Variants in DPYD observed in about 807,000 individuals in gnomAD.
DPYD encodes dihydropyrimidine dehydrogenase.
DPYD carries 109 observed loss-of-function variants against 116.2 expected under a neutral mutation model. The observed-to-expected ratio is 0.94, with a 90% CI of 0.80 to 1.10. The LOEUF is 1.10. Among genes scored for constraint, DPYD ranks in the 50% least tolerant of loss-of-function variants. DPYD has a pLI of 0.00. For missense variants in DPYD, 1,302 were observed against 1,254.5 expected (o/e 1.04, Z -0.57); for synonymous variants, 440 against 432.0 (o/e 1.02, Z -0.23).
chr1:97,719,648 T>C (rs1279166374), intron 5 of DPYD: 4 of 948,640 alleles, frequency 4.2e-6, no homozygotes, highest in Non-Finnish European at 5.0e-6. Context: ...CTAATAACTT[T>C]GACAGTTGGG....
At chr1:97,709,676 C>A (rs944454680) in intron 5 of DPYD, among the ~76,000 whole-genome samples, 3 of 151,670 alleles carry the variant, frequency 2.0e-5, no homozygotes, top group Non-Finnish European at 4.4e-5. Context: ...CCCCAAGTCT[C>A]CTCACCTTCT....
chr1:97,638,576 C>T (rs532833475), intron 8 of DPYD, among the ~76,000 whole-genome samples: 13 of 152,210 alleles, frequency 8.5e-5, no homozygotes, highest in Admixed American at 5.9e-4. Flanking sequence ...TTTTGCATTG[C>T]TATAAAGGAG....
intron 3 of DPYD, among the ~76,000 whole-genome samples, chr1:97,784,827 T>G (rs988801344): frequency 2.0e-5 from 3 of 152,196 alleles, no homozygotes; most frequent in African/African-American, 7.2e-5. Context: ...CCTCCATTTT[T>G]TATACAGTTA....
chr1:97,274,263 T>C (rs1664781479), intron 18 of DPYD, among the ~76,000 whole-genome samples: 1 of 152,136 alleles, frequency 6.6e-6, no homozygotes, highest in Non-Finnish European at 1.5e-5. Flanking sequence ...TGGGTTATAT[T>C]TGGGCCATGG....
At chr1:97,165,468 G>C (rs901035162) in intron 20 of DPYD, among the ~76,000 whole-genome samples, 1 of 151,824 alleles carries the variant, frequency 6.6e-6, no homozygotes, top group Non-Finnish European at 1.5e-5. Flanking sequence ...CTATAAAAAC[G>C]CTGGATGACA....
chr1:97,323,656 C>CGT (rs1282204514), intron 16 of DPYD, among the ~76,000 whole-genome samples: 3 of 48,328 alleles, frequency 6.2e-5, no homozygotes, highest in African/African-American at 1.9e-4. Flanking sequence ...TATATATACA[C>CGT]GTATATATAC....
chr1:97,888,299 G>A (rs969060526), intron 1 of DPYD, among the ~76,000 whole-genome samples: 3 of 151,836 alleles, frequency 2.0e-5, no homozygotes, highest in Non-Finnish European at 4.4e-5. Context: ...CAGATCAAGA[G>A]AGATTACACA....
At chr1:97,608,703 T>G (rs533898164) in intron 8 of DPYD, among the ~76,000 whole-genome samples, 1 of 151,558 alleles carries the variant, frequency 6.6e-6, no homozygotes, top group African/African-American at 2.4e-5. Context: ...TAATGAAAAT[T>G]ATTTTCATTT....
At chr1:97,267,550 C>T (rs753148263) in intron 18 of DPYD, among the ~76,000 whole-genome samples, 22 of 152,030 alleles carry the variant, frequency 1.4e-4, no homozygotes, top group Non-Finnish European at 2.9e-4. Context: ...ATGGCACAGG[C>T]GCACACAAGA....
At chr1:97,786,283 T>G (rs568639955) in intron 3 of DPYD, among the ~76,000 whole-genome samples, 3 of 152,148 alleles carry the variant, frequency 2.0e-5, no homozygotes, top group Non-Finnish European at 4.4e-5. Flanking sequence ...CCTAGAAAAT[T>G]TATATTTCTG....
Position 97,817,123 on chromosome 1 carries a change from C to T in DPYD, c.233+10991G>A, listed in dbSNP as rs1198702553. 5.9e-5 allele frequency among the ~76,000 whole-genome samples: 9 copies of T among 152,208 alleles called. No homozygotes were observed. In the East Asian group the frequency reaches 1.7e-3, roughly 29 times the overall value. On this transcript the variant is annotated intron_variant, in intron 3 of 22. Coordinates refer to ENST00000370192, the MANE Select transcript of DPYD (RefSeq NM_000110.4). Reference sequence around the variant, plus strand: ...CACAGCCACATCAACACAGCCACACCTATGCATTCACATATGGTCTACAGA... The same window carrying T: ...CACAGCCACATCAACACAGCCACACTTATGCATTCACATATGGTCTACAGA...
At chr1:97,891,721 A>G (rs1322379470) in intron 1 of DPYD, among the ~76,000 whole-genome samples, 1 of 151,846 alleles carries the variant, frequency 6.6e-6, no homozygotes, top group Non-Finnish European at 1.5e-5. Context: ...AAAACATTGG[A>G]GCTTCAGTAT....
At chr1:97,438,077 C>A (rs1675566138) in intron 14 of DPYD, among the ~76,000 whole-genome samples, 1 of 152,000 alleles carries the variant, frequency 6.6e-6, no homozygotes, top group Admixed American at 6.6e-5. Flanking sequence ...TACTATTCTG[C>A]CACATTAATC....
intron 3 of DPYD, among the ~76,000 whole-genome samples, chr1:97,766,177 G>T (rs1012388308): frequency 1.3e-5 from 2 of 152,076 alleles, no homozygotes; most frequent in Non-Finnish European, 2.9e-5. Context: ...GGAGATGGAG[G>T]TTATGGTGAG....
rs560687378 is a variant in DPYD at position 97,672,547 on chromosome 1, T to C, written c.850+6548A>G. Among the ~76,000 whole-genome samples, 23 of 152,336 alleles carry C rather than the reference T, an allele frequency of 1.5e-4. No homozygotes were observed. In the South Asian group the frequency reaches 1.7e-3, roughly 11 times the overall value. Reference sequence around the variant, plus strand: ...TGGCAAAATACTCAAGACTTGCTTTTTGCTTAAAATTAAGTCAGGTTTATT... The same window carrying C: ...TGGCAAAATACTCAAGACTTGCTTTCTGCTTAAAATTAAGTCAGGTTTATT... On this transcript the variant is annotated intron_variant, in intron 8 of 22. Transcript: ENST00000370192.
chr1:97,311,535 T>C (rs959981861), intron 16 of DPYD, among the ~76,000 whole-genome samples: 5 of 151,734 alleles, frequency 3.3e-5, no homozygotes, highest in Non-Finnish European at 7.4e-5. Context: ...CAATACACCC[T>C]GGGGAGAATG....
chr1:97,771,470 T>G (rs1453367150), intron 3 of DPYD, among the ~76,000 whole-genome samples: 1 of 152,194 alleles, frequency 6.6e-6, no homozygotes, highest in Non-Finnish European at 1.5e-5. Flanking sequence ...GCATACAGAT[T>G]TATTTCAAAT....
intron 2 of DPYD, among the ~76,000 whole-genome samples, chr1:97,851,977 T>C (rs1264434672): frequency 1.7e-5 from 2 of 116,836 alleles, no homozygotes; most frequent in Non-Finnish European, 1.7e-5. Context: ...CCCTAGAGTT[T>C]AAAGTATAGA....
chr1:97,912,290 T>C (rs373475909), intron 1 of DPYD, among the ~76,000 whole-genome samples: 2 of 151,954 alleles, frequency 1.3e-5, no homozygotes, highest in South Asian at 4.1e-4. Context: ...TAAAAAAAAA[T>C]TGTGCTGAAA....
Sources: gnomAD v4.1 joint callset for allele counts (sites outside exome capture counted in the v4.1 genomes callset) on GRCh38, gnomAD v4.1.1 for gene constraint, MANE v1.5 for transcripts, NCBI Gene and HGNC (gene_info 2026-07-23, HGNC 2026-07-21) for gene names.